The following XPR1 variants were observed in gnomAD, a reference collection of about 807,000 sequenced individuals.
XPR1 encodes the protein solute carrier family 53 member 1.
In XPR1, 28 loss-of-function variants were observed where a neutral mutation model predicts 87.5. That is an observed-to-expected ratio of 0.32 (90% CI 0.24 to 0.44). XPR1 has a LOEUF of 0.44. Ranked by LOEUF, XPR1 falls within the 20% of genes least tolerant of loss-of-function variation. XPR1 has a pLI of 1.00. For missense variants in XPR1, 559 were observed against 862.3 expected, an observed-to-expected ratio of 0.65 and a Z score of 4.41; for synonymous variants, 300 against 306.1, an observed-to-expected ratio of 0.98 and a Z score of 0.21.
chr1:180,695,407 T>TG (rs1486502439), intron 2 of XPR1, among the ~76,000 whole-genome samples: 1 of 114,458 alleles, frequency 8.7e-6, no homozygotes, highest in East Asian at 3.1e-4. Flanking sequence ...TGTAGTCCCA[T>TG]TTGTGTGTGT....
intron 1 of XPR1, among the ~76,000 whole-genome samples, chr1:180,667,646 C>G (rs978675430): frequency 1.3e-5 from 2 of 152,078 alleles, no homozygotes; most frequent in Admixed American, 6.5e-5. Context: ...TCCTCCTGTT[C>G]AGTTTTTTGG....
intron 4 of XPR1, among the ~76,000 whole-genome samples, chr1:180,804,682 A>G (rs1209829173): frequency 6.6e-6 from 1 of 152,176 alleles, no homozygotes; most frequent in Non-Finnish European, 1.5e-5. Flanking sequence ...TTGTTAATGC[A>G]TGTGTTTATC....
chr1:180,722,124 CAT>C (rs533995459), intron 2 of XPR1, among the ~76,000 whole-genome samples: 31 of 152,174 alleles, frequency 2.0e-4, no homozygotes, highest in South Asian at 1.5e-3. Flanking sequence ...AAAAATTAGT[CAT>C]GTGTGGTGGT....
chr1:180,863,732 T>C lies in XPR1; in HGVS notation c.1526T>C (p.Val509Ala). ...HKERGHSDTMVFFYLWIVFYI... is the reference protein window; with the variant it reads ...HKERGHSDTMAFFYLWIVFYI... ...GAACGAGGTCACTCGGACACTATGG[T>C]GTTCTTTTACCTGTGGATTGTCTTT... Residue 509 changes from valine (V) to alanine (A), a missense_variant, in exon 12 of 15, where the codon GTG becomes GCG. Transcript: ENST00000367590. 6.3e-7 allele frequency: 1 copy of C among 1,597,642 alleles called. No individual in the cohort carries two copies. Among genetic ancestry groups the C allele is most frequent in the South Asian group, 1.1e-5 (1 of 87,578 alleles).
In XPR1 at chr1:180,814,630, G is replaced by A. The variant is rs540264328; in HGVS notation, c.763+3142G>A. On this transcript the variant is annotated intron_variant, in intron 7 of 14. Transcript: ENST00000367590. ...TATGTGTCTAAGGGTTATGCTTGAT[G>A]CCTACAAGTCTTAAGATAAATAAGA... Among the ~76,000 whole-genome samples the A allele has an allele frequency of 2.6e-5, 4 of 152,274 alleles. No homozygotes were observed. The South Asian group carries it at 8.3e-4, about 32-fold the overall frequency.
At chr1:180,843,670 C>T (rs1651588804) in intron 11 of XPR1, among the ~76,000 whole-genome samples, 1 of 149,696 alleles carries the variant, frequency 6.7e-6, no homozygotes, top group African/African-American at 2.5e-5. Flanking sequence ...TCCTTTGCAT[C>T]TTCTTTGTTA....
intron 1 of XPR1, among the ~76,000 whole-genome samples, chr1:180,648,388 T>C (rs1033460744): frequency 1.3e-5 from 2 of 152,202 alleles, no homozygotes; most frequent in Non-Finnish European, 2.9e-5. Context: ...CAAAGATTGG[T>C]TCACTGCCCA....
intron 4 of XPR1, among the ~76,000 whole-genome samples, chr1:180,805,507 A>G (rs1196586623): frequency 6.6e-6 from 1 of 152,222 alleles, no homozygotes; most frequent in Non-Finnish European, 1.5e-5. Flanking sequence ...TAGCACTCCC[A>G]TACCCAAACT....
intron 2 of XPR1, among the ~76,000 whole-genome samples, chr1:180,705,798 G>A (rs1161365090): frequency 1.3e-5 from 2 of 152,110 alleles, no homozygotes; most frequent in African/African-American, 4.8e-5. Flanking sequence ...CAGCAAAGAA[G>A]AATTTTTAAC....
chr1:180,693,954 T>C (rs1433609254), intron 2 of XPR1, among the ~76,000 whole-genome samples: 1 of 152,086 alleles, frequency 6.6e-6, no homozygotes, highest in African/African-American at 2.4e-5. Context: ...TTAAAAAAAT[T>C]TTTGTTGTTG....
chr1:180,861,334 T>C (rs753986781), intron 11 of XPR1, among the ~76,000 whole-genome samples: 12 of 152,102 alleles, frequency 7.9e-5, no homozygotes, highest in Non-Finnish European at 1.6e-4. Flanking sequence ...GAGTGAATTT[T>C]ACTAAGTTGC....
At chr1:180,682,457 T>TTTTTTTTTTTTTTTTTTTTTTTTTTTTTG (rs1656609883) in intron 2 of XPR1, 46 bp downstream of exon 2, 1 of 1,523,362 alleles carries the variant, frequency 6.6e-7, no homozygotes, top group Admixed American at 1.9e-5. Flanking sequence ...AACCTCTTTT[T>TTTTTTTTTTTTTTTTTTTTTTTTTTTTTG]AAGGAAAGAT....
chr1:180,793,906 T>G (rs1351489663), intron 3 of XPR1, among the ~76,000 whole-genome samples: 1 of 152,152 alleles, frequency 6.6e-6, no homozygotes, highest in Non-Finnish European at 1.5e-5. Context: ...CCTTTTTTCT[T>G]TCTGAGACTG....
At chr1:180,862,753 C>T (rs148376263) in intron 11 of XPR1, among the ~76,000 whole-genome samples, 56 of 152,092 alleles carry the variant, frequency 3.7e-4, no homozygotes, top group African/African-American at 1.3e-3. Context: ...AAATTATGAA[C>T]GATGCATGAT....
chr1:180,882,924 A>T (rs1055781230), intron 14 of XPR1, among the ~76,000 whole-genome samples: 11 of 150,726 alleles, frequency 7.3e-5, no homozygotes, highest in Non-Finnish European at 1.6e-4. Flanking sequence ...TCTTATCCTC[A>T]TCATCCTTAT....
chr1:180,707,221 T>C (rs1657589074), intron 2 of XPR1, among the ~76,000 whole-genome samples: 1 of 152,318 alleles, frequency 6.6e-6, no homozygotes, highest in East Asian at 1.9e-4. Context: ...CAGACTTACA[T>C]GTATAGGTTT....
chr1:180,635,833 C>T (rs1397464480), intron 1 of XPR1, among the ~76,000 whole-genome samples: 1 of 152,134 alleles, frequency 6.6e-6, no homozygotes, highest in African/African-American at 2.4e-5. Flanking sequence ...TTTCTAAGCT[C>T]ACAACCCCCG....
At chr1:180,829,822 GT>G (rs1027353495) in intron 9 of XPR1, among the ~76,000 whole-genome samples, 3 of 147,330 alleles carry the variant, frequency 2.0e-5, no homozygotes, top group Admixed American at 6.8e-5. Flanking sequence ...CTTCTTCCCA[GT>G]TTTTTTTTTA....
At chr1:180,859,400 A>G (rs975812604) in intron 11 of XPR1, among the ~76,000 whole-genome samples, 2 of 152,182 alleles carry the variant, frequency 1.3e-5, no homozygotes, top group East Asian at 1.9e-4. Flanking sequence ...AGAAGCTTAG[A>G]GTAGAATAGC....
Sources: gnomAD v4.1 joint callset for allele counts (sites outside exome capture counted in the v4.1 genomes callset) on GRCh38, gnomAD v4.1.1 for gene constraint, MANE v1.5 for transcripts, NCBI Gene and HGNC (gene_info 2026-07-23, HGNC 2026-07-21) for gene names.